CAPN8: variants seen among roughly 807,000 people sequenced by gnomAD.
The protein encoded by CAPN8 is calpain 8, also known as calpain-8.
In CAPN8, 87 loss-of-function variants were observed where a neutral mutation model predicts 80.9. The ratio of observed to expected loss-of-function variants is 1.07; its 90% CI spans 0.90 to 1.28. The LOEUF is 1.28. Ranked by LOEUF, CAPN8 falls within the 50% of genes most tolerant of loss-of-function variation. The pLI, the probability that CAPN8 is intolerant of heterozygous loss-of-function variation, is 0.00. For synonymous variants in CAPN8, 299 were observed against 273.8 expected, an observed-to-expected ratio of 1.09 and a Z score of -0.91; for missense variants, 757 against 702.0, an observed-to-expected ratio of 1.08 and a Z score of -0.89.
chr1:223,544,945 G>T lies in CAPN8; in HGVS notation c.1834-95C>A, dbSNP rs141819979. ...CCACACTGCTTTCTCAAAAGGCCAGGGACACTTTCAAAAGGAGACCCTATT... is the reference window on the plus strand; with the variant it reads ...CCACACTGCTTTCTCAAAAGGCCAGTGACACTTTCAAAAGGAGACCCTATT... On this transcript the variant is annotated intron_variant, in intron 17 of 20. Transcript: ENST00000366872. The T allele has an allele frequency of 1.9e-4, 297 of 1,536,506 alleles. 1 individual carries two copies. The African/African-American group carries it at 3.7e-3, about 19-fold the overall frequency.
intron 6 of CAPN8, among the ~76,000 whole-genome samples, chr1:223,625,537 T>C (rs1222273110): frequency 2.6e-5 from 4 of 152,166 alleles, no homozygotes; most frequent in African/African-American, 9.7e-5. Flanking sequence ...CCTCAAGTAA[T>C]CTTCCCACTT....
chr1:223,611,117 C>T (rs1209219999), intron 11 of CAPN8, among the ~76,000 whole-genome samples: 1 of 152,116 alleles, frequency 6.6e-6, no homozygotes, highest in East Asian at 1.9e-4. Context: ...GTGCACGTCA[C>T]CTCTCTCTCA....
chr1:223,643,412 G>A (rs1658097867), intron 2 of CAPN8, among the ~76,000 whole-genome samples: 1 of 152,214 alleles, frequency 6.6e-6, no homozygotes, highest in Non-Finnish European at 1.5e-5. Context: ...TGGTCTTCCA[G>A]GCTCAAATAT....
chr1:223,665,691 T>C lies in CAPN8; in HGVS notation c.-45A>G, dbSNP rs1658770417. The C allele has an allele frequency of 6.8e-7, 1 of 1,463,362 alleles. No individual in the cohort carries two copies. Among genetic ancestry groups the C allele is most frequent in the Non-Finnish European group, 9.3e-7 (1 of 1,069,970 alleles). The allele number at this position is 1,463,362 out of a possible 1,614,324, so 90.6% of individuals were successfully genotyped here. ...TGGACAGAAGGGCAGGGCTGCACTG[T>C]ACTCTCAGACACCTGCTCCACTGGG... On this transcript the variant is annotated 5_prime_UTR_variant, in exon 1 of 21. Transcript: ENST00000366872.
chr1:223,608,997 A>T (rs1480411936), intron 12 of CAPN8, among the ~76,000 whole-genome samples, 156 bp downstream of exon 12: 1 of 143,336 alleles, frequency 7.0e-6, no homozygotes, highest in Non-Finnish European at 1.5e-5. Flanking sequence ...TAGGAGGGGG[A>T]CACCCAGTGA....
chr1:223,662,014 A>G (rs1045801268), intron 1 of CAPN8, among the ~76,000 whole-genome samples: 2 of 152,256 alleles, frequency 1.3e-5, no homozygotes, highest in Non-Finnish European at 2.9e-5. Flanking sequence ...GACATATGCC[A>G]CAACATGGAT....
intron 2 of CAPN8, among the ~76,000 whole-genome samples, chr1:223,650,954 G>A (rs1457155651): frequency 6.6e-6 from 1 of 152,192 alleles, no homozygotes; most frequent in East Asian, 1.9e-4. Flanking sequence ...AACGAGCAGT[G>A]GAGGGACTGG....
chr1:223,651,559 G>A lies in CAPN8; in HGVS notation c.307+2771C>T, dbSNP rs140510767. Among the ~76,000 whole-genome samples the A allele has an allele frequency of 3.7e-3, 560 of 152,270 alleles. 3 individuals carry two copies. Among genetic ancestry groups the A allele is most frequent in the Middle Eastern group, 0.014 (4 of 294 alleles). ...CTTAGCAAGGACAGTAGGGAGGAAG[G>A]GACAACACACAGCCCACCCTGACAG... On this transcript the variant is annotated intron_variant, in intron 2 of 20. Transcript: ENST00000366872.
intron 14 of CAPN8, among the ~76,000 whole-genome samples, chr1:223,551,883 C>A (rs1204579624): frequency 6.6e-6 from 1 of 152,188 alleles, no homozygotes; most frequent in East Asian, 1.9e-4. Flanking sequence ...CCCACCACAC[C>A]TACAGGAGTT....
intron 6 of CAPN8, among the ~76,000 whole-genome samples, chr1:223,624,849 C>T (rs1401613881): frequency 6.6e-6 from 1 of 152,152 alleles, no homozygotes; most frequent in African/African-American, 2.4e-5. Context: ...AATCCCAGCA[C>T]TTTGGGAGGT....
chr1:223,622,363 A>T (rs1428782564), intron 7 of CAPN8, among the ~76,000 whole-genome samples: 1 of 151,990 alleles, frequency 6.6e-6, no homozygotes, highest in Non-Finnish European at 1.5e-5. Flanking sequence ...CTCATTCATC[A>T]CTGCTGCCAG....
In CAPN8 at chr1:223,543,089, C is replaced by G; in HGVS notation, c.2088+19G>C. On this transcript the variant is annotated intron_variant, in intron 20 of 20. Coordinates refer to ENST00000366872, the MANE Select transcript of CAPN8 (RefSeq NM_001143962.2). ...AGAGTACCATCAGCCAGCAATTCAT[C>G]AAACCTCAGGACATTCACCTCGGCC... The G allele has an allele frequency of 6.4e-7, 1 of 1,551,448 alleles. No homozygotes were observed. The highest frequency in any genetic ancestry group is 8.7e-7 in the Non-Finnish European group (1 of 1,146,884).
At chr1:223,659,262 C>T (rs183366269) in intron 1 of CAPN8, among the ~76,000 whole-genome samples, 1 of 152,296 alleles carries the variant, frequency 6.6e-6, no homozygotes, top group East Asian at 1.9e-4. Context: ...TGTCTGATAG[C>T]TTTGGTTTGC....
chr1:223,627,910 A>C, intron 4 of CAPN8, 99 bp downstream of exon 4: 1 of 1,366,654 alleles, frequency 7.3e-7, no homozygotes, highest in Admixed American at 2.9e-5. Flanking sequence ...AGACGCCATG[A>C]CGCCCTGAGT....
At chr1:223,626,903 C>T in intron 5 of CAPN8, 86 bp downstream of exon 5, 1 of 1,412,502 alleles carries the variant, frequency 7.1e-7, no homozygotes, top group Non-Finnish European at 9.6e-7. Context: ...CTTCCTAGGC[C>T]TCTCTCCCGC....
chr1:223,616,157 C>G lies in CAPN8; in HGVS notation c.1136-12G>C. 2 of 1,542,346 alleles carry G rather than the reference C, an allele frequency of 1.3e-6. No homozygotes were observed. Among genetic ancestry groups the G allele is most frequent in the Non-Finnish European group, 1.8e-6 (2 of 1,139,950 alleles). The stretch of plus-strand genomic sequence containing the variant: ...GGTCCAGTACGTGGCTGGAAGTCAC[C>G]CAGGTGATGGTGGTTCCCCACGTAG... On this transcript the variant is annotated splice_polypyrimidine_tract_variant and intron_variant, in intron 9 of 20. Transcript: ENST00000366872.
chr1:223,622,970 C>G, intron 6 of CAPN8, 70 bp from the exon 7 acceptor site: 1 of 1,185,098 alleles, frequency 8.4e-7, no homozygotes, highest in Middle Eastern at 1.9e-4. Flanking sequence ...ATGTCTGCAC[C>G]TGACAGGATC....
intron 1 of CAPN8, among the ~76,000 whole-genome samples, chr1:223,657,662 G>A (rs1192964775): frequency 1.3e-5 from 2 of 152,174 alleles, no homozygotes; most frequent in African/African-American, 2.4e-5. Context: ...AGCTACTCAG[G>A]AGGCTGAAGC....
chr1:223,617,155 G>A (rs1657216298), intron 9 of CAPN8: 1 of 152,198 alleles, frequency 6.6e-6, no homozygotes, highest in African/African-American at 2.4e-5. Flanking sequence ...CTTTAAAGAA[G>A]AGTCTAACTT....
Sources: gnomAD v4.1 joint callset for allele counts (sites outside exome capture counted in the v4.1 genomes callset) on GRCh38, gnomAD v4.1.1 for gene constraint, MANE v1.5 for transcripts, NCBI Gene and HGNC (gene_info 2026-07-23, HGNC 2026-07-21) for gene names.